TASP1: variants seen among roughly 807,000 people sequenced by gnomAD.
TASP1 encodes the protein taspase 1.
In TASP1, 16 loss-of-function variants were observed where a neutral mutation model predicts 56.6. That is an observed-to-expected ratio of 0.28 (90% CI 0.19 to 0.43). The LOEUF (loss-of-function observed/expected upper bound fraction) is 0.43. Ranked by LOEUF, TASP1 falls within the 20% of genes least tolerant of loss-of-function variation. The pLI is 1.00. For synonymous variants in TASP1, 179 were observed against 184.2 expected, an observed-to-expected ratio of 0.97 and a Z score of 0.23; for missense variants, 393 against 511.6, an observed-to-expected ratio of 0.77 and a Z score of 2.24.
chr20:13,508,627 T>G (rs1399524911), intron 10 of TASP1, among the ~76,000 whole-genome samples: 4 of 152,066 alleles, frequency 2.6e-5, no homozygotes, highest in African/African-American at 7.2e-5. Context: ...AGGACCTCAC[T>G]AGCAAAAAAT....
chr20:13,618,302 A>C (rs182639128), intron 4 of TASP1, among the ~76,000 whole-genome samples: 1 of 152,042 alleles, frequency 6.6e-6, no homozygotes, highest in African/African-American at 2.4e-5. Flanking sequence ...AGTCCCAACT[A>C]CTCAGGAGGC....
chr20:13,441,381 T>C (rs2043206822), intron 11 of TASP1, among the ~76,000 whole-genome samples: 2 of 152,094 alleles, frequency 1.3e-5, no homozygotes, highest in African/African-American at 4.8e-5. Context: ...CAAACCAATA[T>C]GGAAATCCAC....
chr20:13,473,712 A>T (rs1329502913), intron 11 of TASP1, among the ~76,000 whole-genome samples: 1 of 152,102 alleles, frequency 6.6e-6, no homozygotes, highest in African/African-American at 2.4e-5. Flanking sequence ...TCCTTAATCT[A>T]CCAGATATGA....
intron 12 of TASP1, among the ~76,000 whole-genome samples, chr20:13,424,041 A>G (rs1239689846): frequency 2.0e-5 from 3 of 152,228 alleles, no homozygotes; most frequent in African/African-American, 7.2e-5. Flanking sequence ...TACTTAAGGC[A>G]AAATCTGCTA....
chr20:13,626,908 C>CT (rs978546532), intron 2 of TASP1, among the ~76,000 whole-genome samples: 4 of 124,034 alleles, frequency 3.2e-5, no homozygotes, highest in Non-Finnish European at 6.8e-5. Context: ...GAGCCCCCCC[C>CT]CCACCCCGTA....
intron 8 of TASP1, among the ~76,000 whole-genome samples, chr20:13,544,016 C>T (rs2045716677): frequency 1.3e-5 from 2 of 152,086 alleles, no homozygotes; most frequent in South Asian, 4.1e-4. Context: ...TTGGCTGGTC[C>T]CCATAATAAC....
At chr20:13,482,403 T>C (rs1219980364) in intron 11 of TASP1, among the ~76,000 whole-genome samples, 1 of 152,186 alleles carries the variant, frequency 6.6e-6, no homozygotes, top group Non-Finnish European at 1.5e-5. Context: ...CTTTTGCGAG[T>C]CCACATAAAT....
chr20:13,393,672 T>A, intron 13 of TASP1: 1 of 1,303,000 alleles, frequency 7.7e-7, no homozygotes, highest in Non-Finnish European at 1.1e-6. Flanking sequence ...CTCCAAGGAA[T>A]AAGACCCCTG....
Position 13,629,320 on chromosome 20 carries a change from CA to C in TASP1, c.145+613del, listed in dbSNP as rs1253616111. 1.5e-4 allele frequency among the ~76,000 whole-genome samples: 22 copies of C among 142,224 alleles called. No homozygotes were observed. The Middle Eastern group carries it at 0.012, about 75-fold the overall frequency. 93.3% of individuals were successfully genotyped at this position (142,224 alleles called of 152,430 possible). On this transcript the variant is annotated intron_variant, in intron 2 of 13. Transcript: ENST00000337743. Reference sequence around the variant, plus strand: ...TGGAGGCTGCAGTGAGCCAAGATCACACCATTGCATTCCAACCTGGGCGACA... The same window carrying C: ...TGGAGGCTGCAGTGAGCCAAGATCACCCATTGCATTCCAACCTGGGCGACA...
At chr20:13,307,705 T>A in the TASP1 span, among the ~76,000 whole-genome samples, 1 of 152,342 alleles carries the variant, frequency 6.6e-6, no homozygotes, top group African/African-American at 2.4e-5. Flanking sequence ...CTCTGTGAGG[T>A]CTGGCATATT....
intron 11 of TASP1, among the ~76,000 whole-genome samples, chr20:13,441,371 C>T (rs1010004287): frequency 1.3e-5 from 2 of 152,180 alleles, no homozygotes; most frequent in Non-Finnish European, 2.9e-5. Flanking sequence ...ATTAAACTCA[C>T]AAACCAATAT....
chr20:13,266,973 G>T, the TASP1 span, among the ~76,000 whole-genome samples: 1 of 152,142 alleles, frequency 6.6e-6, no homozygotes, highest in Non-Finnish European at 1.5e-5. Context: ...ATAAAGAAAG[G>T]TTTTCTTCTG....
chr20:13,286,654 C>A, the TASP1 span, among the ~76,000 whole-genome samples: 1 of 152,110 alleles, frequency 6.6e-6, no homozygotes, highest in Non-Finnish European at 1.5e-5. Flanking sequence ...ATGAAATCCA[C>A]CCCCCACCAC....
At chr20:13,496,644 A>T (rs2043742148) in intron 10 of TASP1, among the ~76,000 whole-genome samples, 1 of 152,190 alleles carries the variant, frequency 6.6e-6, no homozygotes. Flanking sequence ...ACAGAAACCA[A>T]CATAAAGGGG....
chr20:13,601,817 G>C (rs562018625), intron 4 of TASP1, among the ~76,000 whole-genome samples: 1 of 147,598 alleles, frequency 6.8e-6, no homozygotes, highest in South Asian at 2.2e-4. Flanking sequence ...CGTATGATGA[G>C]AATGACAATT....
At chr20:13,160,144 A>G in the TASP1 span, 2 of 1,612,554 alleles carry the variant, frequency 1.2e-6, no homozygotes, top group Non-Finnish European at 1.7e-6. Flanking sequence ...TGAGTACACC[A>G]CAGGCCAACG....
chr20:13,468,528 T>C (rs1479282185), intron 11 of TASP1, among the ~76,000 whole-genome samples: 2 of 152,182 alleles, frequency 1.3e-5, no homozygotes, highest in Non-Finnish European at 2.9e-5. Flanking sequence ...TTCACAACTA[T>C]AAAAATCATC....
the TASP1 span, among the ~76,000 whole-genome samples, chr20:13,138,471 T>G: frequency 7.2e-5 from 11 of 152,164 alleles, 1 homozygote; most frequent in South Asian, 2.3e-3. Flanking sequence ...TCTATTATGT[T>G]AGTCACACAC....
chr20:13,129,966 T>G, the TASP1 span, among the ~76,000 whole-genome samples: 1 of 151,760 alleles, frequency 6.6e-6, no homozygotes, highest in Non-Finnish European at 1.5e-5. Context: ...GAATGCTATG[T>G]GTATGGTCTG....
Sources: gnomAD v4.1 joint callset for allele counts (sites outside exome capture counted in the v4.1 genomes callset) on GRCh38, gnomAD v4.1.1 for gene constraint, MANE v1.5 for transcripts, NCBI Gene and HGNC (gene_info 2026-07-23, HGNC 2026-07-21) for gene names.